ARHGEF4: variants seen among roughly 807,000 people sequenced by gnomAD.
ARHGEF4 encodes the protein Rho guanine nucleotide exchange factor 4, also known as APC-stimulated guanine nucleotide exchange factor 1.
ARHGEF4 carries 119 observed loss-of-function variants against 162.0 expected under a neutral mutation model. The observed-to-expected ratio is 0.73, with a 90% CI of 0.63 to 0.86. The LOEUF (loss-of-function observed/expected upper bound fraction) is 0.86, where lower values mean the gene tolerates loss of function less well. Among genes scored for constraint, ARHGEF4 ranks in the 40% least tolerant of loss-of-function variants. ARHGEF4 has a pLI of 0.00. For missense variants in ARHGEF4, 2,488 were observed against 2,456.0 expected (o/e 1.01, Z -0.28); for synonymous variants, 1,014 against 979.9 (o/e 1.03, Z -0.65).
At chr2:130,924,039 C>T (rs547123039) in intron 2 of ARHGEF4, among the ~76,000 whole-genome samples, 27 of 151,830 alleles carry the variant, frequency 1.8e-4, no homozygotes, top group African/African-American at 6.3e-4. Flanking sequence ...CGCCAACACA[C>T]TCGGCTAATT....
At chr2:130,927,243 G>A (rs1682350828) in intron 2 of ARHGEF4, among the ~76,000 whole-genome samples, 1 of 152,116 alleles carries the variant, frequency 6.6e-6, no homozygotes, top group Admixed American at 6.5e-5. Flanking sequence ...TGAAGGTGCT[G>A]GCTCTCTAGC....
chr2:130,854,028 C>T (rs1304008646), intron 1 of ARHGEF4, among the ~76,000 whole-genome samples: 2 of 152,116 alleles, frequency 1.3e-5, no homozygotes, highest in Admixed American at 1.3e-4. Flanking sequence ...GCCCTGCTCA[C>T]CTCATAGGGT....
intron 4 of ARHGEF4, chr2:131,011,651 T>A: frequency 6.5e-7 from 1 of 1,535,400 alleles, no homozygotes; most frequent in Non-Finnish European, 8.7e-7. Flanking sequence ...CTGAGATTGG[T>A]CAAGAGCCCA....
chr2:130,912,230 C>T (rs559797925), intron 1 of ARHGEF4, among the ~76,000 whole-genome samples: 2 of 152,340 alleles, frequency 1.3e-5, no homozygotes, highest in South Asian at 2.1e-4. Flanking sequence ...GAGGTAGGCA[C>T]GCTGAAGGCG....
chr2:130,854,801 C>T (rs1005598217), intron 1 of ARHGEF4, among the ~76,000 whole-genome samples: 2 of 152,060 alleles, frequency 1.3e-5, no homozygotes, highest in African/African-American at 2.4e-5. Flanking sequence ...GGGCTTCTGC[C>T]CAGGGGGAAA....
chr2:130,966,204 G>C (rs926864797), intron 4 of ARHGEF4, among the ~76,000 whole-genome samples: 1 of 152,182 alleles, frequency 6.6e-6, no homozygotes, highest in African/African-American at 2.4e-5. Flanking sequence ...GGTAGGACCT[G>C]CATCAGCAGT....
intron 4 of ARHGEF4, among the ~76,000 whole-genome samples, chr2:130,968,094 A>C (rs1456237754): frequency 1.3e-5 from 2 of 152,160 alleles, no homozygotes; most frequent in African/African-American, 4.8e-5. Context: ...AGTGTAGTTC[A>C]AGCCCCCACC....
chr2:130,914,886 G>A lies in ARHGEF4; in HGVS notation c.940G>A (p.Glu314Lys). 6.7e-7 allele frequency: 1 copy of A among 1,496,578 alleles called. No individual in the cohort carries two copies. Among genetic ancestry groups the A allele is most frequent in the Non-Finnish European group, 8.9e-7 (1 of 1,120,624 alleles). 92.7% of individuals were successfully genotyped at this position (1,496,578 alleles called of 1,614,324 possible). A position where few individuals can be genotyped will look rare whatever the true frequency, so the allele number is the denominator to read the frequency against. Residue 314 changes from glutamate (E) to lysine (K), a missense_variant, in exon 2 of 14, where the codon GAA (glutamate) becomes AAA (lysine). Transcript: ENST00000409359. ...CACCAACCGTCACCATAGTGCCCCA[G>A]AAACTACTGGTGACAAGAACAGGGC... ...LRTNRHHSAP[E>K]TTGDKNRASP...
intron 4 of ARHGEF4, among the ~76,000 whole-genome samples, chr2:130,959,247 A>G (rs755004622): frequency 3.9e-5 from 6 of 152,160 alleles, no homozygotes; most frequent in Non-Finnish European, 8.8e-5. Context: ...CAGCCTAGAT[A>G]CATTTCTTAA....
chr2:130,906,256 GT>G (rs2105029419), intron 1 of ARHGEF4, among the ~76,000 whole-genome samples: 1 of 152,282 alleles, frequency 6.6e-6, no homozygotes, highest in East Asian at 1.9e-4. Context: ...CAAGATTTGG[GT>G]TTGAAGTGTG....
intron 4 of ARHGEF4, among the ~76,000 whole-genome samples, chr2:130,978,559 T>A (rs1685905673): frequency 6.6e-6 from 1 of 152,160 alleles, no homozygotes; most frequent in South Asian, 2.1e-4. Context: ...AAATAACCAG[T>A]CCCTTCAATT....
rs553275458 is a variant in ARHGEF4, at chr2:130,981,570, A to G, written c.3985+34935A>G. Among the ~76,000 whole-genome samples, 4 of 152,104 alleles carry G rather than the reference A, an allele frequency of 2.6e-5. No individual in the cohort carries two copies. The East Asian group carries it at 5.8e-4, about 22-fold the overall frequency. ...GCTACTCAGGAGGCTGAGGCAGGAA[A>G]ATAGCTGGAACCTGGGAGGTGGAGG... On this transcript the variant is annotated intron_variant, in intron 4 of 13. Coordinates refer to ENST00000409359, the MANE Select transcript of ARHGEF4 (RefSeq NM_001367493.1).
At chr2:130,999,321 AT>A (rs557596497) in intron 4 of ARHGEF4, among the ~76,000 whole-genome samples, 3 of 151,110 alleles carry the variant, frequency 2.0e-5, no homozygotes, top group East Asian at 2.0e-4. Flanking sequence ...CGCCTGGCTA[AT>A]TTTTTTTGTA....
chr2:130,877,383 A>T (rs1053013554), intron 1 of ARHGEF4, among the ~76,000 whole-genome samples: 2 of 152,210 alleles, frequency 1.3e-5, no homozygotes, highest in African/African-American at 4.8e-5. Context: ...TAATTCACAC[A>T]TGCATTGCTT....
chr2:130,875,493 G>A (rs1678771051), intron 1 of ARHGEF4, among the ~76,000 whole-genome samples: 1 of 152,174 alleles, frequency 6.6e-6, no homozygotes, highest in Non-Finnish European at 1.5e-5. Flanking sequence ...TCAACAGCTG[G>A]TGGAGAAGTG....
intron 4 of ARHGEF4, among the ~76,000 whole-genome samples, chr2:130,961,981 C>G (rs1487421487): frequency 1.3e-5 from 2 of 152,180 alleles, no homozygotes; most frequent in African/African-American, 4.8e-5. Flanking sequence ...TGGCTCATGC[C>G]TGTAATCCCA....
chr2:130,893,687 C>A (rs1343071919), intron 1 of ARHGEF4, among the ~76,000 whole-genome samples: 1 of 152,142 alleles, frequency 6.6e-6, no homozygotes, highest in Non-Finnish European at 1.5e-5. Flanking sequence ...GTCCACAGAG[C>A]AAGAATGGAG....
intron 4 of ARHGEF4, among the ~76,000 whole-genome samples, chr2:131,019,590 C>T (rs1688965999): frequency 6.6e-6 from 1 of 151,466 alleles, no homozygotes; most frequent in Admixed American, 6.6e-5. Flanking sequence ...CTTTGGCCTC[C>T]TTGGTTAAGT....
intron 1 of ARHGEF4, among the ~76,000 whole-genome samples, chr2:130,896,503 C>T (rs1680167449): frequency 6.6e-6 from 1 of 152,170 alleles, no homozygotes; most frequent in East Asian, 1.9e-4. Context: ...CCACTATGTT[C>T]CGGGCGCCTA....
Sources: allele counts gnomAD v4.1 joint callset (sites outside exome capture counted in the v4.1 genomes callset), GRCh38; gene constraint gnomAD v4.1.1; transcripts MANE v1.5; gene names NCBI Gene and HGNC (gene_info 2026-07-23, HGNC 2026-07-21).